RBFOX1: variants seen among roughly 807,000 people sequenced by gnomAD.
RBFOX1 encodes the protein RNA binding protein fox-1 homolog 1.
RBFOX1 carries 8 observed loss-of-function variants against 57.7 expected under a neutral mutation model. The ratio of observed to expected loss-of-function variants is 0.14; its 90% CI spans 0.08 to 0.25. The LOEUF (loss-of-function observed/expected upper bound fraction) is 0.25. Among genes scored for constraint, RBFOX1 ranks in the 10% least tolerant of loss-of-function variants. RBFOX1 has a pLI of 1.00. For missense variants in RBFOX1, 611 were observed against 548.5 expected (o/e 1.11, Z -1.14); for synonymous variants, 326 against 222.4 (o/e 1.47, Z -4.15).
intron 1 of RBFOX1, among the ~76,000 whole-genome samples, chr16:6,280,747 A>G (rs2076289523): frequency 6.6e-6 from 1 of 152,088 alleles, no homozygotes. Context: ...TATACCGGTC[A>G]TTACATAAAC....
At chr16:6,641,660 G>A (rs1390166914) in intron 2 of RBFOX1, among the ~76,000 whole-genome samples, 2 of 148,826 alleles carry the variant, frequency 1.3e-5, no homozygotes, top group Non-Finnish European at 3.0e-5. Flanking sequence ...ACTTGAACCT[G>A]GGAGGCGGAG....
intron 3 of RBFOX1, among the ~76,000 whole-genome samples, chr16:6,882,556 A>G (rs2063167514): frequency 1.3e-5 from 2 of 152,118 alleles, no homozygotes; most frequent in Admixed American, 6.6e-5. Context: ...AGATCGCACC[A>G]CTGCACTGCA....
At chr16:6,606,824 G>A (rs2097937611) in intron 2 of RBFOX1, among the ~76,000 whole-genome samples, 1 of 152,164 alleles carries the variant, frequency 6.6e-6, no homozygotes. Flanking sequence ...ACATACGCGT[G>A]CATGTATCTT....
chr16:7,488,186 C>G (rs1464769216), intron 4 of RBFOX1, among the ~76,000 whole-genome samples: 2 of 152,176 alleles, frequency 1.3e-5, no homozygotes, highest in Admixed American at 6.5e-5. Context: ...ACATCTTCAT[C>G]TGCAGCGTGC....
chr16:6,792,338 T>G (rs2083130482), intron 3 of RBFOX1, among the ~76,000 whole-genome samples: 1 of 152,194 alleles, frequency 6.6e-6, no homozygotes, highest in Non-Finnish European at 1.5e-5. Context: ...CGCTTTCAAG[T>G]CCTTTCAGCA....
At chr16:7,664,667 TC>T (rs1200909976) in intron 12 of RBFOX1, 4 of 546,448 alleles carry the variant, frequency 7.3e-6, no homozygotes, top group South Asian at 5.0e-5. Flanking sequence ...CTGTACCCAC[TC>T]CTGAGAGAGT....
At chr16:6,548,037 G>C (rs117393423) in intron 2 of RBFOX1, among the ~76,000 whole-genome samples, 1 of 152,210 alleles carries the variant, frequency 6.6e-6, no homozygotes, top group African/African-American at 2.4e-5. Flanking sequence ...GACAAGCTCA[G>C]ACTATTCATC....
Position 6,192,202 on chromosome 16 carries a change from C to T in RBFOX1, c.-126-124793C>T, listed in dbSNP as rs939449097. On this transcript the variant is annotated intron_variant, in intron 1 of 15. Coordinates refer to ENST00000550418, the MANE Select transcript of RBFOX1 (RefSeq NM_018723.4). ...GTGCTATTTAACGCAGCGAGATCTC[C>T]CCAGCACACCCCTCGGGACCAGTCC... Among the ~76,000 whole-genome samples the T allele has an allele frequency of 3.9e-5, 6 of 152,064 alleles. No individual in the cohort carries two copies. In the South Asian group the frequency reaches 1.0e-3, roughly 26 times the overall value.
intron 3 of RBFOX1, among the ~76,000 whole-genome samples, chr16:6,834,155 C>A (rs149237708): frequency 6.6e-6 from 1 of 152,018 alleles, no homozygotes; most frequent in African/African-American, 2.4e-5. Flanking sequence ...CTCACCACAA[C>A]CTCCGCCTCC....
chr16:7,449,094 T>C (rs1376057722), intron 4 of RBFOX1, among the ~76,000 whole-genome samples: 7 of 152,004 alleles, frequency 4.6e-5, no homozygotes. Context: ...CATGCCCGGC[T>C]AACTTTGTAT....
intron 4 of RBFOX1, among the ~76,000 whole-genome samples, chr16:7,141,403 G>A (rs761705407): frequency 2.3e-4 from 35 of 151,186 alleles, no homozygotes; most frequent in Non-Finnish European, 4.4e-4. Flanking sequence ...CAGCTTGGGC[G>A]GCAGCTAGAA....
At chr16:6,406,256 T>C (rs77883742) in intron 2 of RBFOX1, among the ~76,000 whole-genome samples, 1 of 152,224 alleles carries the variant, frequency 6.6e-6, no homozygotes, top group Non-Finnish European at 1.5e-5. Context: ...CCATTAATTC[T>C]AATGCAGCCT....
At chr16:7,116,224 G>A (rs1443198448) in intron 4 of RBFOX1, among the ~76,000 whole-genome samples, 2 of 152,064 alleles carry the variant, frequency 1.3e-5, no homozygotes, top group East Asian at 3.9e-4. Flanking sequence ...CCACCTTCCT[G>A]AATATATAGA....
intron 4 of RBFOX1, among the ~76,000 whole-genome samples, chr16:7,411,733 G>A (rs1448384984): frequency 6.6e-6 from 1 of 151,906 alleles, no homozygotes; most frequent in Admixed American, 6.6e-5. Context: ...GAGAAACCCC[G>A]TCTCTATTAA....
chr16:6,835,993 A>C (rs2093068144), intron 3 of RBFOX1, among the ~76,000 whole-genome samples: 1 of 152,134 alleles, frequency 6.6e-6, no homozygotes, highest in Admixed American at 6.5e-5. Context: ...GTCACATCTA[A>C]CTGCAGAAGA....
chr16:6,515,147 G>C (rs1359467031), intron 2 of RBFOX1, among the ~76,000 whole-genome samples: 5 of 152,144 alleles, frequency 3.3e-5, no homozygotes, highest in African/African-American at 1.2e-4. Context: ...AAGTCCTGTG[G>C]TCAGACCTTG....
chr16:7,398,073 A>G (rs745492138), intron 4 of RBFOX1, among the ~76,000 whole-genome samples: 37 of 152,118 alleles, frequency 2.4e-4, no homozygotes, highest in Middle Eastern at 3.2e-3. Context: ...CAGTTGCTCT[A>G]TTTCCTGGGT....
intron 2 of RBFOX1, among the ~76,000 whole-genome samples, chr16:6,583,796 G>A (rs752780666): frequency 4.6e-5 from 7 of 152,116 alleles, no homozygotes; most frequent in African/African-American, 1.2e-4. Context: ...TTGGTGTGAC[G>A]CCAAAATAAA....
intron 4 of RBFOX1, among the ~76,000 whole-genome samples, chr16:7,238,974 G>T (rs558078611): frequency 6.6e-6 from 1 of 152,150 alleles, no homozygotes. Flanking sequence ...ACATGATCTT[G>T]TTCTTTTTTA....
Sources: gnomAD v4.1 joint callset for allele counts (sites outside exome capture counted in the v4.1 genomes callset) on GRCh38, gnomAD v4.1.1 for gene constraint, MANE v1.5 for transcripts, NCBI Gene and HGNC (gene_info 2026-07-23, HGNC 2026-07-21) for gene names.